Variants in RGS12 observed in about 807,000 individuals in gnomAD.
The protein encoded by RGS12 is regulator of G-protein signaling 12.
Under a neutral mutation model 120.1 loss-of-function variants are expected in RGS12, and 66 were observed. The observed-to-expected ratio is 0.55, with a 90% confidence interval of 0.45 to 0.67. RGS12 has a LOEUF of 0.67. RGS12 is among the 30% of genes least tolerant of loss of function. RGS12 has a pLI of 0.00. For synonymous variants in RGS12, 827 were observed against 804.7 expected, an observed-to-expected ratio of 1.03 and a Z score of -0.47; for missense variants, 1,859 against 1,957.7, an observed-to-expected ratio of 0.95 and a Z score of 0.95.
intron 4 of RGS12, among the ~76,000 whole-genome samples, chr4:3,387,755 C>T (rs1229196699): frequency 1.3e-5 from 2 of 152,206 alleles, no homozygotes; most frequent in East Asian, 1.9e-4. Flanking sequence ...TCTCTTTCTG[C>T]CGTGTTCTCA....
the RGS12 span, among the ~76,000 whole-genome samples, chr4:3,287,357 A>G: frequency 1.6e-3 from 237 of 152,374 alleles, 2 homozygotes; most frequent in African/African-American, 5.4e-3. Flanking sequence ...ATGGTCTGAA[A>G]AAAAAAACAA....
At chr4:3,306,131 C>T (rs1432796131) in intron 1 of RGS12, among the ~76,000 whole-genome samples, 1 of 152,232 alleles carries the variant, frequency 6.6e-6, no homozygotes, top group Non-Finnish European at 1.5e-5. Context: ...CTGGCTATTC[C>T]ATGAGAGGCT....
In RGS12 at chr4:3,316,420, A is replaced by T. The variant is rs146265890; in HGVS notation, c.250A>T (p.Ile84Phe). The change falls in exon 2 of 18, where the codon ATT becomes TTT. Residue 84 changes from isoleucine (I) to phenylalanine (F), a missense_variant. Transcript: ENST00000336727. ...ATCTCATGAAGATGTAGTGAAATTA[A>T]TTGGGAAGTGCTCTGGTGTCCTTCA... Reference protein sequence around the residue: ...KASHEDVVKLIGKCSGVLHMV... With the variant: ...KASHEDVVKLFGKCSGVLHMV... 18 of 1,614,044 alleles carry T rather than the reference A, an allele frequency of 1.1e-5. No homozygotes were observed. In the African/African-American group the frequency reaches 1.6e-4, roughly 14 times the overall value.
At chr4:3,312,641 C>T (rs186554890) in intron 1 of RGS12, 19 of 231,660 alleles carry the variant, frequency 8.2e-5, no homozygotes, top group African/African-American at 2.5e-4. Flanking sequence ...ACCTGAAAGT[C>T]GGGGTCTTAC....
chr4:3,301,114 AC>A (rs1477766668), intron 1 of RGS12, among the ~76,000 whole-genome samples: 1 of 146,346 alleles, frequency 6.8e-6, no homozygotes, highest in African/African-American at 2.6e-5. Context: ...CCTCTGTAAC[AC>A]GGGGTCTGTC....
intron 3 of RGS12, among the ~76,000 whole-genome samples, chr4:3,347,488 C>A (rs553311457): frequency 6.6e-6 from 1 of 152,258 alleles, no homozygotes; most frequent in African/African-American, 2.4e-5. Flanking sequence ...GAAAACAAAA[C>A]ATTTAAGTAA....
At chr4:3,409,832 G>A (rs944134538) in intron 4 of RGS12, among the ~76,000 whole-genome samples, 5 of 152,186 alleles carry the variant, frequency 3.3e-5, no homozygotes, top group Non-Finnish European at 7.3e-5. Context: ...CTGTCTTCCC[G>A]TCCTGGTTCT....
intron 3 of RGS12, among the ~76,000 whole-genome samples, chr4:3,362,780 T>A: frequency 7.1e-6 from 1 of 140,718 alleles, no homozygotes; most frequent in Non-Finnish European, 1.5e-5. Context: ...TGAGTTAGGG[T>A]GTGTGTGAGG....
intron 1 of RGS12, among the ~76,000 whole-genome samples, chr4:3,302,944 C>CA (rs1472887202): frequency 6.6e-6 from 1 of 152,150 alleles, no homozygotes; most frequent in Non-Finnish European, 1.5e-5. Flanking sequence ...TCTGTGACCC[C>CA]GGGGCAGCTG....
chr4:3,414,737 C>G lies in RGS12; in HGVS notation c.2191-15C>G. On this transcript the variant is annotated splice_polypyrimidine_tract_variant and intron_variant, in intron 5 of 17. Coordinates refer to ENST00000336727, the MANE Select transcript of RGS12 (RefSeq NM_001394154.1). ...CTGTGTCAGTGTTAATAAATGGTGT[C>G]TTTGTCTTTCTTAGGATTTTCTAAG... The G allele has an allele frequency of 6.4e-7, 1 of 1,567,844 alleles. No homozygotes were observed. The highest frequency in any genetic ancestry group is 8.8e-7 in the Non-Finnish European group (1 of 1,137,968).
chr4:3,334,117 G>A (rs547885389), intron 2 of RGS12, among the ~76,000 whole-genome samples: 1 of 152,276 alleles, frequency 6.6e-6, no homozygotes, highest in East Asian at 1.9e-4. Flanking sequence ...AATTAAAATA[G>A]AATAAATTAT....
intron 4 of RGS12, among the ~76,000 whole-genome samples, chr4:3,409,552 G>T (rs1253944817): frequency 1.3e-5 from 2 of 152,200 alleles, no homozygotes; most frequent in Non-Finnish European, 2.9e-5. Context: ...TGGGTAGCTG[G>T]TCCCATTGCT....
chr4:3,353,700 T>G (rs1560107516), intron 3 of RGS12, among the ~76,000 whole-genome samples: 1 of 152,144 alleles, frequency 6.6e-6, no homozygotes, highest in Non-Finnish European at 1.5e-5. Flanking sequence ...GTTCTGCCAG[T>G]CATTTCATGT....
At chr4:3,291,733 C>T (rs945361781), upstream of RGS12, among the ~76,000 whole-genome samples, 46 of 151,404 alleles carry the variant, frequency 3.0e-4, 1 homozygote, top group African/African-American at 1.1e-3. Flanking sequence ...ATCTCTCTCT[C>T]TTTGTCTGGC....
intron 1 of RGS12, among the ~76,000 whole-genome samples, chr4:3,311,140 CTCT>C (rs1353072736): frequency 1.3e-5 from 2 of 152,160 alleles, no homozygotes; most frequent in African/African-American, 2.4e-5. Context: ...GTGCCTTGCT[CTCT>C]TCTTCTCGGT....
At position 3,366,340 on chromosome 4, in the gene RGS12, A is replaced by G. The variant is rs1298308319; in HGVS notation, c.1999-20076A>G. Among the ~76,000 whole-genome samples, 1 of 152,112 alleles carries G rather than the reference A, an allele frequency of 6.6e-6. No individual in the cohort carries two copies. Among genetic ancestry groups the G allele is most frequent in the Non-Finnish European group, 1.5e-5 (1 of 68,010 alleles). ...TGGGGGAGATTTGAGGGCCCTGCCC[A>G]TAGAGGAGCCACACCTGGGCCTTTG... is the stretch of plus-strand genomic sequence containing the variant. On this transcript the variant is annotated intron_variant, in intron 3 of 17. Transcript: ENST00000336727. The surrounding 1 kb of genome is among the most constrained non-coding windows in gnomAD (Gnocchi z 4.0).
chr4:3,381,730 T>C (rs1265521355), intron 3 of RGS12, among the ~76,000 whole-genome samples: 1 of 152,204 alleles, frequency 6.6e-6, no homozygotes, highest in African/African-American at 2.4e-5. Flanking sequence ...TTATTGGAAC[T>C]ACAAGATGAG....
At position 3,374,937 on chromosome 4, in the gene RGS12, A is replaced by G. The variant is rs1717475672; in HGVS notation, c.1999-11479A>G. 6.6e-6 allele frequency among the ~76,000 whole-genome samples: 1 copy of G among 152,128 alleles called. No individual in the cohort carries two copies. The highest frequency in any genetic ancestry group is 6.5e-5 in the Admixed American group (1 of 15,272). ...GATTTTGTACATCCAGCATCTCAGG[A>G]TGGCTCGCCACGTCATGGGGGCTCA... On this transcript the variant is annotated intron_variant, in intron 3 of 17. Coordinates refer to ENST00000336727, the MANE Select transcript of RGS12 (RefSeq NM_001394154.1). This position sits in a 1 kb window ranked among gnomAD's most constrained non-coding sequence, Gnocchi z 6.3.
At chr4:3,396,653 C>T (rs1297691545) in intron 4 of RGS12, among the ~76,000 whole-genome samples, 2 of 152,128 alleles carry the variant, frequency 1.3e-5, no homozygotes, top group African/African-American at 2.4e-5. Flanking sequence ...GACTTCATGT[C>T]GTAATTCTCG....
Sources: allele counts gnomAD v4.1 joint callset (sites outside exome capture counted in the v4.1 genomes callset), GRCh38; gene constraint gnomAD v4.1.1; non-coding constraint Gnocchi (gnomAD v3.1); transcripts MANE v1.5; gene names NCBI Gene and HGNC (gene_info 2026-07-23, HGNC 2026-07-21).